ALOX15B: variants seen among roughly 807,000 people sequenced by gnomAD.
ALOX15B encodes the protein polyunsaturated fatty acid lipoxygenase ALOX15B.
Under a neutral mutation model 73.8 loss-of-function variants are expected in ALOX15B, and 74 were observed. The ratio of observed to expected loss-of-function variants is 1.00; its 90% CI spans 0.83 to 1.22. The LOEUF (loss-of-function observed/expected upper bound fraction) is 1.22. Among genes scored for constraint, ALOX15B ranks in the 50% most tolerant of loss-of-function variants. ALOX15B has a pLI of 0.00. For missense variants in ALOX15B, 896 were observed against 859.9 expected (o/e 1.04, Z -0.52); for synonymous variants, 353 against 357.2 (o/e 0.99, Z 0.13).
rs1976489478 is a variant in ALOX15B, at chr17:8,042,495, A to C, written c.572+4A>C. The C allele has an allele frequency of 6.2e-7, 1 of 1,612,796 alleles. No homozygotes were observed. The highest frequency in any genetic ancestry group is 1.7e-5 in the Admixed American group (1 of 59,986). On this transcript the variant is annotated splice_donor_region_variant and intron_variant, in intron 4 of 13. Transcript: ENST00000380183. ...TTTATCTACAGGCTGGCTCTGCGTG[A>C]GGATGCCCACCCTTCCCTGCCCCTG...
Position 8,042,815 on chromosome 17 carries a change from C to G in ALOX15B, c.607C>G (p.Arg203Gly). 6.4e-7 allele frequency: 1 copy of G among 1,559,918 alleles called. No individual in the cohort carries two copies. Among genetic ancestry groups the G allele is most frequent in the Non-Finnish European group, 8.7e-7 (1 of 1,151,730 alleles). Residue 203 changes from arginine to glycine, a missense_variant, in exon 5 of 14, where the codon CGC becomes GGC. By Grantham distance (125) the Arg-to-Gly change is moderately radical (BLOSUM62 -2). Coordinates refer to ENST00000380183, the MANE Select transcript of ALOX15B (RefSeq NM_001141.3). ...GATGAAAATCAAGGGGTTGCTGGACCGCAAGGGGCTCTGGAGGAGTCTGAA... is the reference window on the plus strand; with the variant it reads ...GATGAAAATCAAGGGGTTGCTGGACGGCAAGGGGCTCTGGAGGAGTCTGAA... ...AEMKIKGLLDRKGLWRSLNEM... is the reference protein window; with the variant it reads ...AEMKIKGLLDGKGLWRSLNEM...
Position 8,048,656 on chromosome 17 carries a change from A to G in ALOX15B, c.*91A>G. 6.9e-7 allele frequency: 1 copy of G among 1,441,414 alleles called. No individual in the cohort carries two copies. The highest frequency in any genetic ancestry group is 1.4e-5 in the South Asian group (1 of 73,010). The allele number at this position is 1,441,414 out of a possible 1,614,324, so 89.3% of individuals were successfully genotyped here. On this transcript the variant is annotated 3_prime_UTR_variant, in exon 14 of 14. Transcript: ENST00000380183. ...CAGAGAAAAGGACTCCTCAGAAAAAACAGGCCCCCATGTGCCTCTCCTGGG... is the reference window on the plus strand; with the variant it reads ...CAGAGAAAAGGACTCCTCAGAAAAAGCAGGCCCCCATGTGCCTCTCCTGGG...
chr17:8,039,344 A>G (rs750342751), intron 1 of ALOX15B, 42 bp downstream of exon 1: 16 of 1,594,536 alleles, frequency 1.0e-5, no homozygotes, highest in Admixed American at 3.4e-5. Context: ...GAAGGGGGCG[A>G]GCAGGAGGGT....
intron 13 of ALOX15B, 33 bp from the exon 14 acceptor site, chr17:8,048,353 G>A: frequency 6.3e-7 from 1 of 1,590,482 alleles, no homozygotes; most frequent in Non-Finnish European, 8.6e-7. Flanking sequence ...GACCTCAGCA[G>A]CCGCCTCACC....
At position 8,045,526 on chromosome 17, in the gene ALOX15B, C is replaced by G; in HGVS notation, c.1040C>G (p.Thr347Ser). The part of the protein sequence containing the change: ...PGPNSPIFLP[T>S]DDKWDWLLAK... ...CCAAACAGCCCCATCTTCCTGCCCACTGATGACAAGTGGGACTGGTTGCTG... is the reference window on the plus strand; with the variant it reads ...CCAAACAGCCCCATCTTCCTGCCCAGTGATGACAAGTGGGACTGGTTGCTG... The change falls in exon 8 of 14, where the codon ACT (threonine) becomes AGT (serine). Residue 347 changes from threonine to serine, a missense_variant. Physicochemically the swap from Thr to Ser is moderately conservative, Grantham distance 58 (BLOSUM62 1). Transcript: ENST00000380183. 4 of 1,614,228 alleles carry G rather than the reference C, an allele frequency of 2.5e-6. No individual in the cohort carries two copies. Among genetic ancestry groups the G allele is most frequent in the Non-Finnish European group, 3.4e-6 (4 of 1,180,042 alleles).
rs1291490300 is a variant in ALOX15B, at chr17:8,048,393, T to C, written c.1859T>C (p.Leu620Pro). The C allele has an allele frequency of 6.2e-7, 1 of 1,611,916 alleles. No homozygotes were observed. Among genetic ancestry groups the C allele is most frequent in the East Asian group, 2.2e-5 (1 of 44,836 alleles). ...CTTGTGGTGGATCCTCAGAGGCCCC[T>C]GGGCACCTATCCGGATGAGCACTTC... ...LSKEPGDQRP[L>P]GTYPDEHFTE... Residue 620 changes from leucine (L) to proline (P), a missense_variant, in exon 14 of 14, where the codon CTG (leucine) becomes CCG (proline). By Grantham distance (98) the Leu-to-Pro change is moderately conservative. Transcript: ENST00000380183.
At chr17:8,040,277 G>T (rs1008433708) in intron 3 of ALOX15B, among the ~76,000 whole-genome samples, 4 of 152,096 alleles carry the variant, frequency 2.6e-5, no homozygotes, top group African/African-American at 4.8e-5. Flanking sequence ...TGCCGTGGTG[G>T]CTCACACCTG....
chr17:8,042,226 G>T, intron 3 of ALOX15B, 143 bp from the exon 4 acceptor site: 1 of 1,029,748 alleles, frequency 9.7e-7, no homozygotes. Context: ...TGGGTAGAAT[G>T]GAAGGGCAGC....
intron 8 of ALOX15B, 38 bp downstream of exon 8, chr17:8,045,724 G>T (rs758044953): frequency 6.3e-7 from 1 of 1,599,590 alleles, no homozygotes. Flanking sequence ...CTGTGCCCAT[G>T]CCTCTGTGCC....
Position 8,047,367 on chromosome 17 carries a change from C to G in ALOX15B, c.1567C>G (p.Gln523Glu). 6.2e-7 allele frequency: 1 copy of G among 1,613,936 alleles called. No individual in the cohort carries two copies. Among genetic ancestry groups the G allele is most frequent in the Non-Finnish European group, 8.5e-7 (1 of 1,179,948 alleles). Residue 523 changes from glutamine (Q) to glutamate (E), a missense_variant, in exon 11 of 14, where the codon CAG (glutamine) becomes GAG (glutamate). Coordinates refer to ENST00000380183, the MANE Select transcript of ALOX15B (RefSeq NM_001141.3). Reference protein sequence around the residue: ...REIFSKGFLNQESSGIPSSLE... With the variant: ...REIFSKGFLNEESSGIPSSLE... ...GATCTTCTCCAAGGGCTTCCTAAAC[C>G]AGGAGAGCTCAGGTACAGGGACCTC...
Position 8,044,775 on chromosome 17 carries a change from C to T in ALOX15B, c.677-54C>T. 3.1e-6 allele frequency: 4 copies of T among 1,297,172 alleles called. No homozygotes were observed. In the South Asian group the frequency reaches 4.2e-5, roughly 14 times the overall value. 80.4% of individuals were successfully genotyped at this position (1,297,172 alleles called of 1,614,324 possible). A position where few individuals can be genotyped will look rare whatever the true frequency, so the allele number is the denominator to read the frequency against. ...AACCCCGTCCCCGTGTCCCCCACCC[C>T]CTGCAAAGCACGCATTTGAGTGACC... On this transcript the variant is annotated intron_variant, in intron 5 of 13. Coordinates refer to ENST00000380183, the MANE Select transcript of ALOX15B (RefSeq NM_001141.3).
Position 8,039,115 on chromosome 17 carries a change from C to A in ALOX15B, c.-41C>A. On this transcript the variant is annotated 5_prime_UTR_variant, in exon 1 of 14. Coordinates refer to ENST00000380183, the MANE Select transcript of ALOX15B (RefSeq NM_001141.3). ...TGTCCCAGGGGGGAGCCCCGCTCTGCAGCCCTGTGCGCCGTAGAGAGCTGG... is the reference window on the plus strand; with the variant it reads ...TGTCCCAGGGGGGAGCCCCGCTCTGAAGCCCTGTGCGCCGTAGAGAGCTGG... The A allele has an allele frequency of 6.3e-7, 1 of 1,594,720 alleles. No homozygotes were observed. The highest frequency in any genetic ancestry group is 1.1e-5 in the South Asian group (1 of 88,292).
At chr17:8,044,757 T>TA in intron 5 of ALOX15B, 72 bp from the exon 6 acceptor site, 1 of 662,240 alleles carries the variant, frequency 1.5e-6, no homozygotes, top group Non-Finnish European at 2.5e-6. Flanking sequence ...GGTAACCCCG[T>TA]CCCCGTGTCC....
intron 5 of ALOX15B, among the ~76,000 whole-genome samples, chr17:8,043,362 A>G (rs1006221165): frequency 1.3e-5 from 2 of 152,206 alleles, no homozygotes; most frequent in African/African-American, 4.8e-5. Context: ...GTGGGGGCAG[A>G]GAGCAGTTCG....
chr17:8,042,694 A>G, intron 4 of ALOX15B, 87 bp from the exon 5 acceptor site: 1 of 1,389,730 alleles, frequency 7.2e-7, no homozygotes, highest in Non-Finnish European at 9.9e-7. Context: ...AGGCTGGTTC[A>G]GGATCCCAAG....
At position 8,039,803 on chromosome 17, in the gene ALOX15B, G is replaced by A. The variant is rs576824674; in HGVS notation, c.368-99G>A. The A allele has an allele frequency of 3.8e-6, 5 of 1,316,414 alleles. No homozygotes were observed. In the East Asian group the frequency reaches 9.3e-5, roughly 25 times the overall value. The allele number at this position is 1,316,414 out of a possible 1,614,324, so 81.5% of individuals were successfully genotyped here. On this transcript the variant is annotated intron_variant, in intron 2 of 13. Transcript: ENST00000380183. ...AGGAGAAACTGTACTTATGGGAGGA[G>A]GGGACCTGGTAGAGGGTGGCAATCG...
chr17:8,042,582 G>A (rs1442829204), intron 4 of ALOX15B, 91 bp downstream of exon 4: 1 of 1,529,306 alleles, frequency 6.5e-7, no homozygotes, highest in African/African-American at 1.4e-5. Flanking sequence ...CCCACCCTCA[G>A]TGATATGAGT....
Position 8,039,134 on chromosome 17 carries a change from G to C in ALOX15B, c.-22G>C, listed in dbSNP as rs773956625. On this transcript the variant is annotated 5_prime_UTR_variant, in exon 1 of 14. Coordinates refer to ENST00000380183, the MANE Select transcript of ALOX15B (RefSeq NM_001141.3). ...GCTCTGCAGCCCTGTGCGCCGTAGA[G>C]AGCTGGACTTAGGCTGGCAGCATGG... 1 of 1,610,490 alleles carries C rather than the reference G, an allele frequency of 6.2e-7. No individual in the cohort carries two copies. Among genetic ancestry groups the C allele is most frequent in the Non-Finnish European group, 8.5e-7 (1 of 1,178,362 alleles).
chr17:8,045,282 C>G lies in ALOX15B; in HGVS notation c.894C>G (p.Ile298Met). 6.2e-7 allele frequency: 1 copy of G among 1,614,214 alleles called. No homozygotes were observed. Among genetic ancestry groups the G allele is most frequent in the Non-Finnish European group, 8.5e-7 (1 of 1,180,042 alleles). ...FLVDHGILSG[I>M]QTNVINGKPQ... ...TGGATCACGGCATCCTCTCTGGCATCCAGACCAATGTCATTAATGGGAAGC... is the reference window on the plus strand; with the variant it reads ...TGGATCACGGCATCCTCTCTGGCATGCAGACCAATGTCATTAATGGGAAGC... Residue 298 changes from isoleucine to methionine, a missense_variant, in exon 7 of 14, where the codon ATC becomes ATG. Physicochemically the swap from Ile to Met is conservative, Grantham distance 10. Coordinates refer to ENST00000380183, the MANE Select transcript of ALOX15B (RefSeq NM_001141.3).
Sources: allele counts gnomAD v4.1 joint callset (sites outside exome capture counted in the v4.1 genomes callset), GRCh38; gene constraint gnomAD v4.1.1; transcripts MANE v1.5; gene names NCBI Gene and HGNC (gene_info 2026-07-23, HGNC 2026-07-21).